The following TNRC6C variants were observed in gnomAD, a reference collection of about 807,000 sequenced individuals.
TNRC6C encodes the protein trinucleotide repeat containing adaptor 6C.
Under a neutral mutation model 153.7 loss-of-function variants are expected in TNRC6C, and 20 were observed. The observed-to-expected ratio is 0.13, with a 90% CI of 0.09 to 0.19. The LOEUF is 0.19. Among genes scored for constraint, TNRC6C ranks in the 10% least tolerant of loss-of-function variants. TNRC6C has a pLI of 1.00. For synonymous variants in TNRC6C, 811 were observed against 841.4 expected, an observed-to-expected ratio of 0.96 and a Z score of 0.63; for missense variants, 1,987 against 2,172.0, an observed-to-expected ratio of 0.91 and a Z score of 1.69.
At chr17:78,098,379 G>A in exon 17 of TNRC6C, 2 of 1,613,674 alleles carry the variant, frequency 1.2e-6, no homozygotes, top group Non-Finnish European at 8.5e-7. Context: ...TGGTCCTCTG[G>A]CCCTACCTCC....
intron 13 of TNRC6C, among the ~76,000 whole-genome samples, chr17:78,089,199 C>T (rs756661385): frequency 3.3e-5 from 5 of 151,964 alleles, no homozygotes; most frequent in Non-Finnish European, 5.9e-5. Flanking sequence ...AACTCCTGAC[C>T]TCAAGTGATC....
At chr17:78,061,134 G>A (rs912768409) in intron 3 of TNRC6C, among the ~76,000 whole-genome samples, 14 of 152,132 alleles carry the variant, frequency 9.2e-5, no homozygotes, top group Admixed American at 9.2e-4. Flanking sequence ...GGGAGGTAAC[G>A]ATTCTAAGAC....
chr17:78,031,356 A>G (rs952041565), intron 1 of TNRC6C, among the ~76,000 whole-genome samples, 160 bp from the exon 4 acceptor site: 2 of 152,182 alleles, frequency 1.3e-5, no homozygotes, highest in Admixed American at 1.3e-4. Context: ...TAGCAAAACT[A>G]GGTCTCAAAC....
At chr17:78,059,432 G>A (rs1257230362) in intron 3 of TNRC6C, among the ~76,000 whole-genome samples, 1 of 152,198 alleles carries the variant, frequency 6.6e-6, no homozygotes, top group Non-Finnish European at 1.5e-5. Flanking sequence ...AGCCTGCTAC[G>A]GAAGTAGGAA....
At chr17:78,042,702 A>G (rs545032291) in intron 2 of TNRC6C, among the ~76,000 whole-genome samples, 8 of 151,222 alleles carry the variant, frequency 5.3e-5, no homozygotes, top group African/African-American at 1.9e-4. Context: ...GTGATGATGG[A>G]GTTGGTGATG....
At chr17:78,041,795 G>C (rs557901667) in intron 2 of TNRC6C, among the ~76,000 whole-genome samples, 3 of 152,276 alleles carry the variant, frequency 2.0e-5, no homozygotes, top group Admixed American at 1.3e-4. Flanking sequence ...CTTAGTAAAC[G>C]TATACTATCA....
intron 1 of TNRC6C, among the ~76,000 whole-genome samples, chr17:78,009,841 C>CCAGCTCAGCCCAAA (rs1228963442): frequency 6.6e-6 from 1 of 152,152 alleles, no homozygotes; most frequent in African/African-American, 2.4e-5. Context: ...GCGTGAGCCA[C>CCAGCTCAGCCCAAA]TGCCCCTGGC....
intron 1 of TNRC6C, among the ~76,000 whole-genome samples, chr17:77,996,951 C>T (rs1379122802): frequency 6.6e-6 from 1 of 152,126 alleles, no homozygotes; most frequent in Non-Finnish European, 1.5e-5. Context: ...AGTTCATCAA[C>T]CTTATTTCAC....
At position 77,978,639 on chromosome 17, in the gene TNRC6C, C is replaced by T. The variant is rs1598643692; in HGVS notation, c.-38+19371C>T. Among the ~76,000 whole-genome samples the T allele has an allele frequency of 2.0e-5, 3 of 152,064 alleles. No individual in the cohort carries two copies. In the East Asian group the frequency reaches 5.8e-4, roughly 29 times the overall value. On this transcript the variant is annotated intron_variant, in intron 1 of 22. Transcript: ENST00000636222. The stretch of plus-strand genomic sequence containing the variant: ...TCAGTGCTAGGACTGAAAACCTGAA[C>T]AAAAAGCTGAGGTTGAGCAGCTAAG...
chr17:78,075,374 T>C lies in TNRC6C; in HGVS notation c.3060+96T>C. ...AATACAAGCCAGATTAAAAACTTGCTGGACTATAATACTTAAGTGACTTTT... is the reference window on the plus strand; with the variant it reads ...AATACAAGCCAGATTAAAAACTTGCCGGACTATAATACTTAAGTGACTTTT... On this transcript the variant is annotated intron_variant, in intron 8 of 19. Coordinates refer to ENST00000301624, the Ensembl canonical transcript of TNRC6C. This position sits in a 1 kb window ranked among gnomAD's most constrained non-coding sequence, Gnocchi z 4.2. The C allele has an allele frequency of 7.2e-7, 1 of 1,397,594 alleles. No homozygotes were observed. The highest frequency in any genetic ancestry group is 9.6e-7 in the Non-Finnish European group (1 of 1,040,090). 86.6% of individuals were successfully genotyped at this position (1,397,594 alleles called of 1,614,324 possible).
rs746403338 is a variant in TNRC6C at position 78,051,034 on chromosome 17, A to C, written c.1972A>C (p.Thr658Pro). ...CAATCCAGGTACAAACTGGGGGGAG[A>C]CTTTAAAACCTGGCCCCCAACAGAA... Residue 658 changes from threonine to proline, a missense_variant, in exon 3 of 20, where the codon ACT becomes CCT. Transcript: ENST00000301624. 5.0e-6 allele frequency: 8 copies of C among 1,613,232 alleles called. No individual in the cohort carries two copies. The highest frequency in any genetic ancestry group is 1.7e-5 in the Admixed American group (1 of 59,842).
At chr17:77,979,140 T>A (rs2071039744) in intron 1 of TNRC6C, among the ~76,000 whole-genome samples, 1 of 152,186 alleles carries the variant, frequency 6.6e-6, no homozygotes, top group Non-Finnish European at 1.5e-5. Context: ...AATGGAGGAT[T>A]TCAGAAAGAA....
chr17:78,104,565 C>A lies in TNRC6C; in HGVS notation c.4793C>A (p.Ala1598Glu). The change falls in exon 20 of 20, where the codon GCG (alanine) becomes GAG (glutamate). Residue 1598 changes from alanine (A) to glutamate (E), a missense_variant. Around this residue, in one of 4 missense-constraint regions of TNRC6C, gnomAD observed 139 missense variants for 148.5 expected, o/e 0.94. Coordinates refer to ENST00000301624, the Ensembl canonical transcript of TNRC6C. The surrounding 1 kb of genome is among the most constrained non-coding windows in gnomAD (Gnocchi z 6.2). The stretch of plus-strand genomic sequence containing the variant: ...AATCGCTTCTTAGCCCAAGGCCAGG[C>A]GCTGCCACCCACTTCCAGCTGGCAG... The A allele has an allele frequency of 1.9e-6, 3 of 1,550,744 alleles. No individual in the cohort carries two copies. Among genetic ancestry groups the A allele is most frequent in the Admixed American group, 1.9e-5 (1 of 52,026 alleles).
Position 78,049,660 on chromosome 17 carries a change from A to G in TNRC6C, c.598A>G (p.Met200Val), listed in dbSNP as rs759578064. 8.1e-6 allele frequency: 13 copies of G among 1,613,298 alleles called. No homozygotes were observed. The highest frequency in any genetic ancestry group is 4.5e-5 in the East Asian group (2 of 44,862). Reference sequence around the variant, plus strand: ...CTCTTCACCCAACCCTATCAATGCAATGCAGACAAATGGACTGCCAAACTG... The same window carrying G: ...CTCTTCACCCAACCCTATCAATGCAGTGCAGACAAATGGACTGCCAAACTG... The change falls in exon 3 of 20, where the codon ATG becomes GTG. Residue 200 changes from methionine (M) to valine (V), a missense_variant. Physicochemically the swap from Met to Val is conservative, Grantham distance 21 (BLOSUM62 1). Transcript: ENST00000301624. This position sits in a 1 kb window ranked among gnomAD's most constrained non-coding sequence, Gnocchi z 4.1.
At chr17:78,039,309 G>GCCCCCCCCCCCCCCCCCCCCCCCCCCCCC (rs11306576) in intron 2 of TNRC6C, among the ~76,000 whole-genome samples, 1 of 113,464 alleles carries the variant, frequency 8.8e-6, no homozygotes, top group Admixed American at 8.9e-5. Flanking sequence ...TTCAAATCTT[G>GCCCCCCCCCCCCCCCCCCCCCCCCCCCCC]CCCCCCCCCC....
chr17:78,078,087 T>C (rs1426713487), intron 9 of TNRC6C, among the ~76,000 whole-genome samples: 2 of 152,236 alleles, frequency 1.3e-5, no homozygotes, highest in African/African-American at 2.4e-5. Flanking sequence ...ACAGCCTCTG[T>C]GTGCACATTG....
At chr17:78,044,914 A>C (rs1448180917) in intron 2 of TNRC6C, among the ~76,000 whole-genome samples, 1 of 152,208 alleles carries the variant, frequency 6.6e-6, no homozygotes, top group Non-Finnish European at 1.5e-5. Flanking sequence ...TTAAATGTCC[A>C]TGGATTTGAG....
intron 17 of TNRC6C, among the ~76,000 whole-genome samples, chr17:78,100,182 A>C (rs1233348490): frequency 6.6e-6 from 1 of 152,086 alleles, no homozygotes; most frequent in East Asian, 1.9e-4. Flanking sequence ...CAGTGGATCT[A>C]CCATTCTGGG....
At chr17:78,013,469 C>T (rs1486056812) in intron 1 of TNRC6C, among the ~76,000 whole-genome samples, 1 of 152,178 alleles carries the variant, frequency 6.6e-6, no homozygotes, top group Non-Finnish European at 1.5e-5. Flanking sequence ...ACTGAGCTAA[C>T]TAATCATTTG....
Sources: gnomAD v4.1 joint callset for allele counts (sites outside exome capture counted in the v4.1 genomes callset) on GRCh38, gnomAD v4.1.1 for gene constraint, gnomAD v4.1.1 regional missense constraint, Gnocchi (gnomAD v3.1) non-coding constraint, MANE v1.5 for transcripts, NCBI Gene and HGNC (gene_info 2026-07-23, HGNC 2026-07-21) for gene names.